PCDH19: variants seen among roughly 807,000 people sequenced by gnomAD.
PCDH19 encodes protocadherin 19, also known as protocadherin-19.
Under a neutral mutation model 46.2 loss-of-function variants are expected in PCDH19, and 6 were observed. The ratio of observed to expected loss-of-function variants is 0.13; its 90% confidence interval spans 0.07 to 0.26. The LOEUF (loss-of-function observed/expected upper bound fraction) is 0.26. PCDH19 is among the 10% of genes least tolerant of loss of function. The probability of loss-of-function intolerance (pLI) is 1.00; values close to 1 mark genes in which losing one functional copy is unlikely to be tolerated. For synonymous variants in PCDH19, 481 were observed against 415.7 expected (o/e 1.16, Z -1.91); for missense variants, 740 against 972.3 (o/e 0.76, Z 3.18).
At chrX:100,360,875 A>G (rs937740157) in intron 3 of PCDH19, among the ~76,000 whole-genome samples, 2 of 112,058 alleles carry the variant, frequency 1.8e-5, no homozygotes, top group African/African-American at 6.5e-5. Flanking sequence ...AAGATGACTC[A>G]AAAAATAATA....
At chrX:100,377,952 A>G (rs1927437053) in intron 3 of PCDH19, among the ~76,000 whole-genome samples, 1 of 112,591 alleles carries the variant, frequency 8.9e-6, no homozygotes, top group South Asian at 3.6e-4. Flanking sequence ...TTGGTGATTA[A>G]CCAGACTGGT....
chrX:100,313,685 T>C (rs1221654513), intron 5 of PCDH19, among the ~76,000 whole-genome samples: 2 of 111,691 alleles, frequency 1.8e-5, no homozygotes, highest in Non-Finnish European at 3.8e-5. Context: ...AGGATCATCA[T>C]TTGCTCATAT....
chrX:100,400,260 G>A (rs1874958537), intron 3 of PCDH19, among the ~76,000 whole-genome samples: 1 of 112,149 alleles, frequency 8.9e-6, no homozygotes, highest in Non-Finnish European at 1.9e-5. Flanking sequence ...GGTTACAAGT[G>A]CCTAGGGAGA....
chrX:100,369,754 T>A (rs775517845), intron 3 of PCDH19, among the ~76,000 whole-genome samples: 23 of 111,532 alleles, frequency 2.1e-4, no homozygotes, highest in Non-Finnish European at 4.0e-4. Context: ...TCTCTTAACC[T>A]CCCTTGAAGC....
chrX:100,379,334 CACACACACACACA>C (rs762185269), intron 3 of PCDH19, among the ~76,000 whole-genome samples: 4,050 of 10,716 alleles, frequency 0.38, 179 homozygotes, highest in Middle Eastern at 0.5. Context: ...CACACACACA[CACACACACACACA>C]CATTTCCTCC....
At position 100,342,018 on chromosome X, in the gene PCDH19, C is replaced by A. The variant is rs1046201431; in HGVS notation, c.2733G>T (p.Glu911Asp). The change falls in exon 5 of 6, where the codon GAG becomes GAT. Residue 911 changes from glutamate to aspartate, a missense_variant. Around this residue, in one of 5 missense-constraint regions of PCDH19, gnomAD observed 416 missense variants for 476.8 expected, o/e 0.87. Transcript: ENST00000373034. ...GNSLKDSGHE[E>D]SDQTDSEHDV... ...CATGCTCACTGTCAGTTTGGTCACT[C>A]TCCTCATGTCCACTATCCTTCAGGC... 3.3e-6 allele frequency: 4 copies of A among 1,209,809 alleles called. No homozygotes were observed. Among genetic ancestry groups the A allele is most frequent in the Non-Finnish European group, 4.5e-6 (4 of 893,732 alleles).
At position 100,406,873 on chromosome X, in the gene PCDH19, G is replaced by A. The variant is rs200471732; in HGVS notation, c.1725C>T (p.Val575=). The change falls in exon 1 of 6, where the codon GTC becomes GTT. Residue 575 remains valine (V), a synonymous_variant. Coordinates refer to ENST00000373034, the MANE Select transcript of PCDH19 (RefSeq NM_001184880.2). ...APPLINGTAE[V]YIPRNSGIGY... is the part of the protein sequence containing the mutation. ...CTATGCCAGAGTTGCGGGGTATGTA[G>A]ACCTCGGCAGTGCCGTTAATCAGAG... 295 of 1,210,158 alleles carry A rather than the reference G, an allele frequency of 2.4e-4. No homozygotes were observed. The Middle Eastern group carries it at 5.5e-3, about 23-fold the overall frequency.
chrX:100,296,285 C>T lies in PCDH19; in HGVS notation c.3439G>A (p.Val1147Ile), dbSNP rs138771033. The T allele has an allele frequency of 1.0e-4, 126 of 1,202,871 alleles. No individual in the cohort carries two copies. The African/African-American group carries it at 1.1e-3, about 10-fold the overall frequency. The change falls in exon 6 of 6, where the codon GTT becomes ATT. Residue 1147 changes from valine to isoleucine, a missense_variant. Physicochemically the swap from Val to Ile is conservative, Grantham distance 29. Around this residue, in one of 5 missense-constraint regions of PCDH19, gnomAD observed 416 missense variants for 476.8 expected, o/e 0.87. Coordinates refer to ENST00000373034, the MANE Select transcript of PCDH19 (RefSeq NM_001184880.2). The stretch of plus-strand genomic sequence containing the variant: ...TCTTCCTGGAGACTGGTTTAGAGAA[C>T]GATATCCTTCAGACGCTTCACACCA... Reference protein sequence around the residue: ...SPGVKRLKDIVL With the variant: ...SPGVKRLKDIIL
At chrX:100,370,992 C>CGT (rs1569304378) in intron 3 of PCDH19, among the ~76,000 whole-genome samples, 9 of 43,117 alleles carry the variant, frequency 2.1e-4, no homozygotes, top group Non-Finnish European at 4.3e-4. Flanking sequence ...AGTGTGTGTG[C>CGT]ATGTGTGTGT....
intron 3 of PCDH19, among the ~76,000 whole-genome samples, chrX:100,393,543 C>T (rs1433914845): frequency 1.9e-5 from 2 of 106,888 alleles, no homozygotes; most frequent in East Asian, 2.9e-4. Flanking sequence ...CACAAACTCC[C>T]CTAAAGAGGG....
At chrX:100,393,036 G>A (rs773679977) in intron 3 of PCDH19, among the ~76,000 whole-genome samples, 76 of 111,017 alleles carry the variant, frequency 6.8e-4, no homozygotes, top group African/African-American at 2.5e-3. Flanking sequence ...GTGCCCAAAA[G>A]AAACAAAAAG....
At chrX:100,393,190 T>C (rs187909090) in intron 3 of PCDH19, among the ~76,000 whole-genome samples, 1 of 110,071 alleles carries the variant, frequency 9.1e-6, no homozygotes, top group African/African-American at 3.3e-5. Context: ...CTCTGAGAGA[T>C]CTATCCTTGA....
At chrX:100,309,154 G>GCGCACACA (rs1555973960) in intron 5 of PCDH19, among the ~76,000 whole-genome samples, 1 of 81,769 alleles carries the variant, frequency 1.2e-5, no homozygotes, top group Non-Finnish European at 2.5e-5. Context: ...TGTGATGCAT[G>GCGCACACA]CACACACACA....
At chrX:100,315,682 G>T (rs779579376) in intron 5 of PCDH19, among the ~76,000 whole-genome samples, 3 of 112,673 alleles carry the variant, frequency 2.7e-5, no homozygotes, top group Non-Finnish European at 5.6e-5. Context: ...TAGCTTAAGT[G>T]TAAGTGATTG....
At chrX:100,400,804 C>T (rs1406252763) in intron 3 of PCDH19, among the ~76,000 whole-genome samples, 9 of 112,033 alleles carry the variant, frequency 8.0e-5, no homozygotes, top group Non-Finnish European at 1.5e-4. Flanking sequence ...TGTAAGTGGT[C>T]CTAAGACCCC....
At chrX:100,322,809 C>A (rs1925534726) in intron 5 of PCDH19, among the ~76,000 whole-genome samples, 1 of 85,991 alleles carries the variant, frequency 1.2e-5, no homozygotes, top group South Asian at 6.6e-4. Context: ...GGTGTTTTGC[C>A]TCCTTGGTTA....
chrX:100,297,537 A>G (rs926305124), intron 5 of PCDH19, among the ~76,000 whole-genome samples: 1 of 111,735 alleles, frequency 8.9e-6, no homozygotes, highest in Non-Finnish European at 1.9e-5. Context: ...ATAAGCTTCA[A>G]TTGGCCCTAC....
chrX:100,318,318 G>A (rs1195624282), intron 5 of PCDH19, among the ~76,000 whole-genome samples: 1 of 112,464 alleles, frequency 8.9e-6, no homozygotes, highest in East Asian at 2.8e-4. Context: ...GACTAAAAGA[G>A]GAAATGCATG....
At chrX:100,399,058 G>A (rs1235440742) in intron 3 of PCDH19, among the ~76,000 whole-genome samples, 1 of 111,879 alleles carries the variant, frequency 8.9e-6, no homozygotes, top group Non-Finnish European at 1.9e-5. Context: ...TTTGATCCCC[G>A]GGAAGTAGTA....
Sources: gnomAD v4.1 joint callset for allele counts (sites outside exome capture counted in the v4.1 genomes callset) on GRCh38, gnomAD v4.1.1 for gene constraint, gnomAD v4.1.1 regional missense constraint, MANE v1.5 for transcripts, NCBI Gene and HGNC (gene_info 2026-07-23, HGNC 2026-07-21) for gene names.